RFX6: variants seen among roughly 807,000 people sequenced by gnomAD.
RFX6 encodes regulatory factor X6, also known as DNA-binding protein RFX6.
A neutral mutation model predicts 110.8 loss-of-function variants in RFX6; 50 were observed. That is an observed-to-expected ratio of 0.45 (90% CI 0.36 to 0.57). The LOEUF is 0.57. RFX6 is among the 20% of genes least tolerant of loss of function. The pLI is 0.00. For synonymous variants in RFX6, 383 were observed against 411.2 expected (o/e 0.93, Z 0.83); for missense variants, 990 against 1,127.0 (o/e 0.88, Z 1.74).
chr6:116,920,750 T>C (rs552164185), intron 12 of RFX6, among the ~76,000 whole-genome samples: 3 of 152,278 alleles, frequency 2.0e-5, no homozygotes, highest in Admixed American at 6.5e-5. Flanking sequence ...AAAATAGTTA[T>C]AATTACTCAC....
In RFX6 at chr6:116,895,180, G is replaced by A. The variant is rs771873592; in HGVS notation, c.645G>A (p.Arg215=). The A allele has an allele frequency of 6.8e-7, 1 of 1,471,380 alleles. No homozygotes were observed. Among genetic ancestry groups the A allele is most frequent in the East Asian group, 2.3e-5 (1 of 43,936 alleles). The allele number at this position is 1,471,380 out of a possible 1,614,324, so 91.1% of individuals were successfully genotyped here. A position where few individuals can be genotyped will look rare whatever the true frequency, so the allele number is the denominator to read the frequency against. The change falls in exon 6 of 19, where the codon AGG becomes AGA. Residue 215 remains arginine (R), a splice_region_variant and synonymous_variant. Coordinates refer to ENST00000332958, the MANE Select transcript of RFX6 (RefSeq NM_173560.4). ...HSVYSGKGLT[R]FSGSKLKNEG... is the part of the protein sequence containing the mutation. ...ATGGAAAATGTACTAATTTTTTAAG[G>A]TTTTCTGGAAGCAAGCTAAAGAATG...
chr6:116,923,050 T>C, intron 13 of RFX6, 57 bp from the exon 14 acceptor site: 1 of 841,538 alleles, frequency 1.2e-6, no homozygotes, highest in African/African-American at 1.7e-5. Flanking sequence ...TAACACAGGA[T>C]GCATGTAGTA....
At position 116,916,234 on chromosome 6, in the gene RFX6, A is replaced by ATGCCT; in HGVS notation, c.893_897dup (p.Asp300CysfsTer46). On this transcript the variant is annotated frameshift_variant, in exon 9 of 19. Transcript: ENST00000332958. LOFTEE classifies it high-confidence loss of function. Reference sequence around the variant, plus strand: ...TTTTTTATTACACTTTTGGCAAGGAATGCCTGACCATCTCCTTCCCCTGCT... The same window carrying ATGCCT: ...TTTTTTATTACACTTTTGGCAAGGAATGCCTTGCCTGACCATCTCCTTCCCCTGCT... 1.2e-6 allele frequency: 2 copies of ATGCCT among 1,612,828 alleles called. No homozygotes were observed. Among genetic ancestry groups the ATGCCT allele is most frequent in the Non-Finnish European group, 1.7e-6 (2 of 1,179,210 alleles).
At chr6:116,893,803 G>C (rs531273937) in intron 4 of RFX6, among the ~76,000 whole-genome samples, 184 bp from the exon 5 acceptor site, 110 of 152,274 alleles carry the variant, frequency 7.2e-4, no homozygotes, top group African/African-American at 2.6e-3. Flanking sequence ...CAATAAGTAG[G>C]AGTAGTGACT....
At chr6:116,885,734 G>A (rs1386856061) in intron 4 of RFX6, among the ~76,000 whole-genome samples, 2 of 151,892 alleles carry the variant, frequency 1.3e-5, no homozygotes, top group Admixed American at 1.3e-4. Flanking sequence ...TTTTTTAACA[G>A]ATCTAACAGT....
At chr6:116,886,309 G>A (rs1406170192) in intron 4 of RFX6, among the ~76,000 whole-genome samples, 1 of 152,144 alleles carries the variant, frequency 6.6e-6, no homozygotes, top group Non-Finnish European at 1.5e-5. Flanking sequence ...AGGATAGCTA[G>A]AGTATGTCCA....
intron 15 of RFX6, among the ~76,000 whole-genome samples, chr6:116,925,188 C>T (rs1775684274): frequency 6.6e-6 from 1 of 152,154 alleles, no homozygotes; most frequent in South Asian, 2.1e-4. Context: ...GATAGGGCAA[C>T]TTGCATTTTG....
At chr6:116,919,802 A>G (rs2114696686) in intron 11 of RFX6, among the ~76,000 whole-genome samples, 1 of 152,350 alleles carries the variant, frequency 6.6e-6, no homozygotes, top group African/African-American at 2.4e-5. Context: ...AAAGTAATTC[A>G]TAAGTTAAGA....
chr6:116,924,593 C>A, intron 14 of RFX6, 76 bp from the exon 15 acceptor site: 1 of 1,283,418 alleles, frequency 7.8e-7, no homozygotes, highest in Non-Finnish European at 1.1e-6. Flanking sequence ...ACTGACTTCT[C>A]TTTCCCTTTC....
intron 9 of RFX6, 94 bp from the exon 10 acceptor site, chr6:116,917,943 G>A: frequency 1.2e-6 from 1 of 828,900 alleles, no homozygotes; most frequent in South Asian, 1.4e-5. Flanking sequence ...TTATTCTCTA[G>A]GAAGCTAGGA....
At chr6:116,916,384 C>A in intron 9 of RFX6, 70 bp downstream of exon 9, 2 of 945,068 alleles carry the variant, frequency 2.1e-6, no homozygotes, top group Non-Finnish European at 3.5e-6. Context: ...TAAATTCTTG[C>A]AATATATTTT....
intron 16 of RFX6, among the ~76,000 whole-genome samples, 169 bp from the exon 17 acceptor site, chr6:116,926,858 T>C (rs1399293908): frequency 2.0e-5 from 3 of 152,226 alleles, no homozygotes; most frequent in Non-Finnish European, 4.4e-5. Flanking sequence ...TGTGATTATA[T>C]TTTTTAAATT....
chr6:116,928,756 C>T lies in RFX6; in HGVS notation c.2399-3C>T, dbSNP rs1775810510. 1 of 1,605,614 alleles carries T rather than the reference C, an allele frequency of 6.2e-7. No homozygotes were observed. On this transcript the variant is annotated splice_region_variant and splice_polypyrimidine_tract_variant and intron_variant, in intron 17 of 18. Coordinates refer to ENST00000332958, the MANE Select transcript of RFX6 (RefSeq NM_173560.4). ...AGCAAATTCTCAACATTTTCTGTTA[C>T]AGGATACTATGGAAGCAACATAAAC...
At chr6:116,883,123 A>G (rs1182355439) in intron 4 of RFX6, among the ~76,000 whole-genome samples, 1 of 152,058 alleles carries the variant, frequency 6.6e-6, no homozygotes, top group Non-Finnish European at 1.5e-5. Context: ...TCCAACCTTC[A>G]TGATTGCTCT....
chr6:116,901,537 A>T (rs1775075062), intron 6 of RFX6, among the ~76,000 whole-genome samples: 1 of 152,228 alleles, frequency 6.6e-6, no homozygotes, highest in Non-Finnish European at 1.5e-5. Flanking sequence ...GTATATGAAG[A>T]GGCAATTAAT....
At chr6:116,901,612 T>C (rs1775076789) in intron 6 of RFX6, among the ~76,000 whole-genome samples, 1 of 152,176 alleles carries the variant, frequency 6.6e-6, no homozygotes, top group Non-Finnish European at 1.5e-5. Flanking sequence ...GTCCATAACG[T>C]ATGTTGAATA....
At chr6:116,923,547 A>T (rs999926517) in intron 14 of RFX6, 1 of 319,058 alleles carries the variant, frequency 3.1e-6, no homozygotes, top group Non-Finnish European at 5.9e-6. Flanking sequence ...GGAAATGCTT[A>T]ATGCATAGCA....
At chr6:116,902,802 T>G (rs1473240749) in intron 6 of RFX6, among the ~76,000 whole-genome samples, 1 of 152,050 alleles carries the variant, frequency 6.6e-6, no homozygotes, top group Non-Finnish European at 1.5e-5. Flanking sequence ...TCCTCCCTCC[T>G]TGGTATATGC....
At chr6:116,928,658 T>G in intron 17 of RFX6, 101 bp from the exon 18 acceptor site, 1 of 791,240 alleles carries the variant, frequency 1.3e-6, no homozygotes, top group Non-Finnish European at 2.3e-6. Context: ...ACTTACAGTT[T>G]GATATCTTTA....
Sources: allele counts gnomAD v4.1 joint callset (sites outside exome capture counted in the v4.1 genomes callset), GRCh38; gene constraint gnomAD v4.1.1; transcripts MANE v1.5; gene names NCBI Gene and HGNC (gene_info 2026-07-23, HGNC 2026-07-21).